PLCB1: variants seen among roughly 807,000 people sequenced by gnomAD.
PLCB1 encodes the protein 1-phosphatidylinositol 4,5-bisphosphate phosphodiesterase beta-1.
PLCB1 carries 46 observed loss-of-function variants against 161.8 expected under a neutral mutation model. The observed-to-expected ratio is 0.28, with a 90% confidence interval of 0.22 to 0.36. The LOEUF is 0.36. Among genes scored for constraint, PLCB1 ranks in the 10% least tolerant of loss-of-function variants. PLCB1 has a pLI of 1.00. For synonymous variants in PLCB1, 517 were observed against 503.7 expected (o/e 1.03, Z -0.35); for missense variants, 1,016 against 1,472.5 (o/e 0.69, Z 5.07).
intron 3 of PLCB1, among the ~76,000 whole-genome samples, chr20:8,589,545 C>T: frequency 6.6e-6 from 1 of 151,546 alleles, no homozygotes; most frequent in Non-Finnish European, 1.5e-5. Flanking sequence ...AGACAGAAGA[C>T]CATCTTCTTA....
chr20:8,426,362 G>T (rs1337419201), intron 3 of PLCB1, among the ~76,000 whole-genome samples: 1 of 152,136 alleles, frequency 6.6e-6, no homozygotes, highest in Non-Finnish European at 1.5e-5. Flanking sequence ...CACTCTGTTC[G>T]CAGAAAACCG....
At chr20:8,684,855 G>GAA (rs61201694) in intron 9 of PLCB1, 77 bp from the exon 10 acceptor site, 6,555 of 963,262 alleles carry the variant, frequency 6.8e-3, no homozygotes, top group South Asian at 9.3e-3. Context: ...GATATTTCTG[G>GAA]AAAAAAAAAA....
rs906314916 is a variant in PLCB1 at position 8,560,742 on chromosome 20, A to G, written c.247-67552A>G. On this transcript the variant is annotated intron_variant, in intron 3 of 31. Transcript: ENST00000338037. ...GTCTCCCATAACCTACCACTATAGT[A>G]TGTCTATTATAATCATACATTTTTC... Among the ~76,000 whole-genome samples the G allele has an allele frequency of 7.2e-5, 11 of 151,982 alleles. 1 individual carries two copies.
chr20:8,504,753 C>CA (rs111333801), intron 3 of PLCB1, among the ~76,000 whole-genome samples: 1 of 151,768 alleles, frequency 6.6e-6, no homozygotes. Context: ...TGTTTGGCTC[C>CA]AAAAAAAATA....
At chr20:8,276,983 C>CTTATTATTATTATTATTA (rs1327121503) in intron 2 of PLCB1, among the ~76,000 whole-genome samples, 12 of 99,208 alleles carry the variant, frequency 1.2e-4, no homozygotes, top group East Asian at 6.4e-4. Flanking sequence ...TCTTCTTCTT[C>CTTATTATTATTATTATTA]TTCTTATTAT....
intron 31 of PLCB1, among the ~76,000 whole-genome samples, chr20:8,849,207 G>C (rs914388620): frequency 6.6e-6 from 1 of 152,138 alleles, no homozygotes; most frequent in Non-Finnish European, 1.5e-5. Flanking sequence ...ACTAATGAGA[G>C]ATTATTCAAA....
chr20:8,752,621 C>T (rs1043419052), intron 23 of PLCB1, among the ~76,000 whole-genome samples: 4 of 151,786 alleles, frequency 2.6e-5, no homozygotes, highest in Non-Finnish European at 4.4e-5. Context: ...GGTGAAACCC[C>T]GTCTCTACTA....
chr20:8,595,215 G>A (rs1293070310), intron 3 of PLCB1, among the ~76,000 whole-genome samples: 3 of 145,236 alleles, frequency 2.1e-5, no homozygotes, highest in African/African-American at 7.6e-5. Context: ...TTGTCATCTA[G>A]CATTAGGTAT....
chr20:8,249,303 G>T (rs1457355274), intron 2 of PLCB1, among the ~76,000 whole-genome samples: 1 of 151,922 alleles, frequency 6.6e-6, no homozygotes, highest in Non-Finnish European at 1.5e-5. Flanking sequence ...ATTTTAAGGT[G>T]TAATTATTTC....
chr20:8,519,931 C>T (rs745489073), intron 3 of PLCB1, among the ~76,000 whole-genome samples: 23 of 152,162 alleles, frequency 1.5e-4, no homozygotes, highest in Non-Finnish European at 2.8e-4. Flanking sequence ...TCAGTTTAAG[C>T]GTCTCTATAT....
intron 2 of PLCB1, among the ~76,000 whole-genome samples, chr20:8,345,577 G>A (rs1300925626): frequency 6.6e-6 from 1 of 152,174 alleles, no homozygotes; most frequent in Non-Finnish European, 1.5e-5. Context: ...CCTGGGCATT[G>A]TAGGATGTTC....
At chr20:8,808,580 C>G (rs1984659178) in intron 31 of PLCB1, among the ~76,000 whole-genome samples, 1 of 152,204 alleles carries the variant, frequency 6.6e-6, no homozygotes, top group Admixed American at 6.5e-5. Flanking sequence ...ACACATAGCT[C>G]ACACAAATTC....
chr20:8,837,737 G>A (rs370945569), intron 31 of PLCB1, among the ~76,000 whole-genome samples: 6 of 152,320 alleles, frequency 3.9e-5, no homozygotes, highest in African/African-American at 9.6e-5. Flanking sequence ...AAGTTTGTGA[G>A]GGAGTCCCAG....
At chr20:8,417,850 A>G (rs1397911983) in intron 3 of PLCB1, among the ~76,000 whole-genome samples, 2 of 152,220 alleles carry the variant, frequency 1.3e-5, no homozygotes, top group Non-Finnish European at 2.9e-5. Flanking sequence ...GTCTAGCAGG[A>G]TGTCCTCTTG....
intron 3 of PLCB1, among the ~76,000 whole-genome samples, chr20:8,491,617 A>AAG (rs1982950248): frequency 6.6e-6 from 1 of 152,190 alleles, no homozygotes; most frequent in Non-Finnish European, 1.5e-5. Flanking sequence ...TTGGGAAGTC[A>AAG]GTACTCAAGT....
intron 2 of PLCB1, among the ~76,000 whole-genome samples, chr20:8,228,736 T>C (rs1979841312): frequency 6.6e-6 from 1 of 152,218 alleles, no homozygotes; most frequent in South Asian, 2.1e-4. Context: ...TTGCTCAGGC[T>C]GAACTCTCCA....
chr20:8,847,315 G>T (rs1986724409), intron 31 of PLCB1, among the ~76,000 whole-genome samples: 1 of 152,024 alleles, frequency 6.6e-6, no homozygotes, highest in African/African-American at 2.4e-5. Flanking sequence ...ATACTTTCTT[G>T]CACCATGAAG....
chr20:8,697,171 A>C (rs932881349), intron 10 of PLCB1, among the ~76,000 whole-genome samples: 1 of 152,186 alleles, frequency 6.6e-6, no homozygotes, highest in African/African-American at 2.4e-5. Context: ...TCTCATCAGG[A>C]GGCAGTCAGA....
chr20:8,422,612 A>G (rs1449859304), intron 3 of PLCB1, among the ~76,000 whole-genome samples: 1 of 152,220 alleles, frequency 6.6e-6, no homozygotes, highest in Admixed American at 6.5e-5. Context: ...ATGAAATTTG[A>G]GTGCAGCTGA....
Sources: gnomAD v4.1 joint callset for allele counts (sites outside exome capture counted in the v4.1 genomes callset) on GRCh38, gnomAD v4.1.1 for gene constraint, MANE v1.5 for transcripts, NCBI Gene and HGNC (gene_info 2026-07-23, HGNC 2026-07-21) for gene names.